The following EMID1 variants were observed in gnomAD, a reference collection of about 807,000 sequenced individuals.
The protein encoded by EMID1 is EMI domain-containing protein 1.
Under a neutral mutation model 60.6 loss-of-function variants are expected in EMID1, and 40 were observed. The observed-to-expected ratio is 0.66, with a 90% CI of 0.51 to 0.86. The LOEUF (loss-of-function observed/expected upper bound fraction) is 0.86, where lower values mean the gene tolerates loss of function less well. Ranked by LOEUF, EMID1 falls within the 40% of genes least tolerant of loss-of-function variation. The pLI is 0.00. For synonymous variants in EMID1, 242 were observed against 231.0 expected (o/e 1.05, Z -0.43); for missense variants, 585 against 597.1 (o/e 0.98, Z 0.21).
At chr22:29,232,146 G>C in intron 7 of EMID1, 110 bp from the exon 8 acceptor site, 3 of 1,310,344 alleles carry the variant, frequency 2.3e-6, no homozygotes, top group Non-Finnish European at 3.3e-6. Flanking sequence ...TGTGGACTCC[G>C]GGGCCCTCTC....
At chr22:29,220,884 G>T (rs1042148281) in intron 3 of EMID1, among the ~76,000 whole-genome samples, 2 of 152,110 alleles carry the variant, frequency 1.3e-5, no homozygotes, top group African/African-American at 4.8e-5. Flanking sequence ...GGGGCCCAGG[G>T]CTAGAAACTA....
chr22:29,233,645 C>T lies in EMID1; in HGVS notation c.945C>T (p.Val315=). ...GPPGPPGPTG[V]PGSPGHIGPP... is the part of the protein sequence containing the mutation. ...CTGGGCCTCCTGGCCCCACAGGTGT[C>T]CCTGGGAGTCCTGGTCACATAGTGA... Residue 315 remains valine, a synonymous_variant, in exon 10 of 15, where the codon GTC becomes GTT. Transcript: ENST00000334018. 1 of 1,613,962 alleles carries T rather than the reference C, an allele frequency of 6.2e-7. No individual in the cohort carries two copies. Among genetic ancestry groups the T allele is most frequent in the Non-Finnish European group, 8.5e-7 (1 of 1,179,868 alleles).
At chr22:29,241,527 T>A (rs1205364804) in intron 12 of EMID1, among the ~76,000 whole-genome samples, 1 of 152,078 alleles carries the variant, frequency 6.6e-6, no homozygotes, top group African/African-American at 2.4e-5. Flanking sequence ...TAGCTGGGAT[T>A]ACAGGCACCT....
chr22:29,226,397 C>T (rs578073038), intron 4 of EMID1, 93 bp from the exon 5 acceptor site: 119 of 1,416,764 alleles, frequency 8.4e-5, no homozygotes, highest in Non-Finnish European at 8.9e-5. Flanking sequence ...AGGTATCTGA[C>T]GCTTTCCTCC....
At chr22:29,224,377 C>G (rs895911943) in intron 3 of EMID1, among the ~76,000 whole-genome samples, 1 of 152,206 alleles carries the variant, frequency 6.6e-6, no homozygotes, top group Non-Finnish European at 1.5e-5. Context: ...GCTATGCCCC[C>G]GCCCCTGGTT....
At chr22:29,252,254 C>T (rs920994118) in intron 13 of EMID1, among the ~76,000 whole-genome samples, 2 of 152,344 alleles carry the variant, frequency 1.3e-5, no homozygotes, top group East Asian at 3.9e-4. Context: ...GTGGACAGGA[C>T]AGCTGGATCA....
In EMID1 at chr22:29,259,007, C is replaced by G; in HGVS notation, c.*63C>G. On this transcript the variant is annotated 3_prime_UTR_variant, in exon 15 of 15. Transcript: ENST00000334018. ...TCCCCTCCTACCTGGACTCGGCCAG[C>G]TGCCTCCAGGGACCGCCCGTCCATA... 6.4e-7 allele frequency: 1 copy of G among 1,564,260 alleles called. No homozygotes were observed. The highest frequency in any genetic ancestry group is 8.6e-7 in the Non-Finnish European group (1 of 1,157,840).
At chr22:29,216,697 A>G in intron 3 of EMID1, 2 of 978,000 alleles carry the variant, frequency 2.0e-6, no homozygotes, top group Non-Finnish European at 2.4e-6. Flanking sequence ...CAGTTCACAG[A>G]TAGGGTGACT....
At chr22:29,244,716 G>A (rs7287249) in intron 13 of EMID1, among the ~76,000 whole-genome samples, 54,377 of 151,494 alleles carry the variant, frequency 0.36, 12,184 homozygotes, top group Middle Eastern at 0.5. Flanking sequence ...GGATTTTCGG[G>A]TTAGGACCTA....
intron 12 of EMID1, among the ~76,000 whole-genome samples, chr22:29,241,426 T>C (rs1179946202): frequency 6.6e-6 from 1 of 152,214 alleles, no homozygotes; most frequent in African/African-American, 2.4e-5. Context: ...CTCGCCCTTG[T>C]CCCCTAGGCT....
In EMID1 at chr22:29,206,134, A is replaced by C; in HGVS notation, c.96A>C (p.Gly32=). 3 of 1,230,562 alleles carry C rather than the reference A, an allele frequency of 2.4e-6. No individual in the cohort carries two copies. Among genetic ancestry groups the C allele is most frequent in the East Asian group, 6.3e-5 (2 of 31,622 alleles). The allele number at this position is 1,230,562 out of a possible 1,614,324, so 76.2% of individuals were successfully genotyped here. A position where few individuals can be genotyped will look rare whatever the true frequency, so the allele number is the denominator to read the frequency against. Reference sequence around the variant, plus strand: ...GCATCGGGGCAGCTCCGTTCTCCGGACGCAGGTAAGAGCTCCCGGCGCCTT... The same window carrying C: ...GCATCGGGGCAGCTCCGTTCTCCGGCCGCAGGTAAGAGCTCCCGGCGCCTT... ...AWSIGAAPFS[G]RRNWCSYVVT... Residue 32 remains glycine, a synonymous_variant, in exon 1 of 15, where the codon GGA becomes GGC. Coordinates refer to ENST00000334018, the MANE Select transcript of EMID1 (RefSeq NM_133455.4).
intron 12 of EMID1, among the ~76,000 whole-genome samples, chr22:29,239,968 C>T (rs2041096485): frequency 6.6e-6 from 1 of 151,812 alleles, no homozygotes; most frequent in African/African-American, 2.4e-5. Context: ...CCCGCCACCA[C>T]ACCCAGCTAA....
chr22:29,252,647 G>A (rs999679500), intron 13 of EMID1, among the ~76,000 whole-genome samples: 2 of 152,242 alleles, frequency 1.3e-5, no homozygotes, highest in Non-Finnish European at 2.9e-5. Context: ...TCTCTGGCAT[G>A]AGCCCTGGGT....
At chr22:29,230,449 T>G (rs2040693020) in intron 5 of EMID1, among the ~76,000 whole-genome samples, 1 of 152,206 alleles carries the variant, frequency 6.6e-6, no homozygotes, top group South Asian at 2.1e-4. Flanking sequence ...AAAAAGCACA[T>G]GGCCCAGCAA....
chr22:29,240,436 T>TC (rs2041112525), intron 12 of EMID1, among the ~76,000 whole-genome samples: 1 of 152,070 alleles, frequency 6.6e-6, no homozygotes, highest in Non-Finnish European at 1.5e-5. Context: ...CAAGAACCCC[T>TC]CGTGGCCTTT....
intron 3 of EMID1, among the ~76,000 whole-genome samples, chr22:29,220,651 G>C (rs1474461138): frequency 6.6e-6 from 1 of 151,972 alleles, no homozygotes; most frequent in African/African-American, 2.4e-5. Flanking sequence ...GATACCCCCA[G>C]CTTTTCACAC....
intron 2 of EMID1, 72 bp downstream of exon 2, chr22:29,215,111 G>T (rs1351085920): frequency 3.4e-6 from 5 of 1,471,720 alleles, no homozygotes; most frequent in African/African-American, 1.4e-5. Flanking sequence ...CTGGTTGGGG[G>T]ACTGCATGGG....
rs1241300514 is a variant in EMID1 at position 29,234,205 on chromosome 22, T to C, written c.1029+6T>C. The C allele has an allele frequency of 4.4e-6, 7 of 1,606,832 alleles. No homozygotes were observed. Among genetic ancestry groups the C allele is most frequent in the Non-Finnish European group, 5.1e-6 (6 of 1,176,418 alleles). ...CAGGAGAGAAGGGCGAGAGAGTGAG[T>C]ACCCAGGTGGCCCCAGGTGGGGGAA... On this transcript the variant is annotated splice_donor_region_variant and intron_variant, in intron 11 of 14. Coordinates refer to ENST00000334018, the MANE Select transcript of EMID1 (RefSeq NM_133455.4).
Position 29,259,118 on chromosome 22 carries a change from G to A in EMID1, c.*174G>A, listed in dbSNP as rs956234191. On this transcript the variant is annotated 3_prime_UTR_variant, in exon 15 of 15. Coordinates refer to ENST00000334018, the MANE Select transcript of EMID1 (RefSeq NM_133455.4). ...TCCTGGCACCATGCACATGTCTGAGGCTGAGCAAGGGCTGAGAGGAGAGGC... is the reference window on the plus strand; with the variant it reads ...TCCTGGCACCATGCACATGTCTGAGACTGAGCAAGGGCTGAGAGGAGAGGC... The A allele has an allele frequency of 2.0e-6, 2 of 1,013,204 alleles. No homozygotes were observed. The highest frequency in any genetic ancestry group is 3.3e-5 in the African/African-American group (2 of 59,996). The allele number at this position is 1,013,204 out of a possible 1,614,324, so 62.8% of individuals were successfully genotyped here.
Sources: gnomAD v4.1 joint callset for allele counts (sites outside exome capture counted in the v4.1 genomes callset) on GRCh38, gnomAD v4.1.1 for gene constraint, MANE v1.5 for transcripts, NCBI Gene and HGNC (gene_info 2026-07-23, HGNC 2026-07-21) for gene names.